The following GLDN variants were observed in gnomAD, a reference collection of about 807,000 sequenced individuals.
The protein encoded by GLDN is gliomedin.
Under a neutral mutation model 56.5 loss-of-function variants are expected in GLDN, and 47 were observed. The ratio of observed to expected loss-of-function variants is 0.83; its 90% CI spans 0.66 to 1.06. The LOEUF (loss-of-function observed/expected upper bound fraction) is 1.06, where lower values mean the gene tolerates loss of function less well. Among genes scored for constraint, GLDN ranks in the 50% least tolerant of loss-of-function variants. The probability of loss-of-function intolerance (pLI) is 0.00; values close to 1 mark genes in which losing one functional copy is unlikely to be tolerated. For synonymous variants in GLDN, 332 were observed against 278.8 expected (o/e 1.19, Z -1.90); for missense variants, 782 against 714.3 (o/e 1.09, Z -1.08).
intron 4 of GLDN, 179 bp downstream of exon 4, chr15:51,384,071 C>T (rs539129230): frequency 2.6e-5 from 17 of 657,738 alleles, no homozygotes; most frequent in African/African-American, 1.8e-5. Context: ...ACTTCTTGGT[C>T]CCACCTTGAC....
rs574578328 is a variant in GLDN, at chr15:51,397,535, C to T, written c.754C>T (p.Pro252Ser). 1.3e-6 allele frequency: 2 copies of T among 1,599,774 alleles called. No homozygotes were observed. The highest frequency in any genetic ancestry group is 1.1e-5 in the South Asian group (1 of 88,986). ...GPPGPPGPPG[P>S]PGSRRAKGPR... is the part of the protein sequence containing the mutation. ...CCCAGGCCCTCCAGGTCCTCCAGGG[C>T]CCCCTGGAAGCAGAAGAGCCAAAGG... The change falls in exon 6 of 10, where the codon CCC becomes TCC. Residue 252 changes from proline (P) to serine (S), a missense_variant. Coordinates refer to ENST00000335449, the MANE Select transcript of GLDN (RefSeq NM_181789.4).
At chr15:51,374,449 A>G (rs1054247356) in intron 1 of GLDN, among the ~76,000 whole-genome samples, 16 of 152,254 alleles carry the variant, frequency 1.1e-4, no homozygotes, top group Admixed American at 6.5e-5. Context: ...CACCAGAGCC[A>G]TAATAGAAAG....
At chr15:51,385,383 C>A (rs988039638) in intron 4 of GLDN, 1 of 152,162 alleles carries the variant, frequency 6.6e-6, no homozygotes, top group Non-Finnish European at 1.5e-5. Flanking sequence ...ATGCAGCCTG[C>A]AACCCAGGGA....
At chr15:51,403,280 A>G (rs2038295277) in intron 9 of GLDN, among the ~76,000 whole-genome samples, 1 of 152,196 alleles carries the variant, frequency 6.6e-6, no homozygotes, top group South Asian at 2.1e-4. Context: ...GCCAAATGGC[A>G]GCAGTAAACC....
intron 5 of GLDN, among the ~76,000 whole-genome samples, chr15:51,395,801 C>T (rs1166996318): frequency 6.6e-6 from 1 of 152,094 alleles, no homozygotes; most frequent in Non-Finnish European, 1.5e-5. Flanking sequence ...GTAGGCTGTA[C>T]AAGAGGCATG....
chr15:51,350,465 T>C (rs1196476050), intron 1 of GLDN, among the ~76,000 whole-genome samples: 1 of 152,144 alleles, frequency 6.6e-6, no homozygotes, highest in Non-Finnish European at 1.5e-5. Context: ...CCGTGGCCCT[T>C]CTCACTGCAG....
intron 4 of GLDN, among the ~76,000 whole-genome samples, chr15:51,394,174 A>G (rs17704557): frequency 0.037 from 5,702 of 152,286 alleles, 185 homozygotes; most frequent in African/African-American, 0.09. Context: ...ACTCACTATT[A>G]TGGCAGCAGA....
chr15:51,379,986 T>C (rs1437357930), intron 2 of GLDN, among the ~76,000 whole-genome samples: 1 of 152,144 alleles, frequency 6.6e-6, no homozygotes. Flanking sequence ...TCCTTCCCTG[T>C]GACTCAGGCA....
chr15:51,401,865 CT>C, intron 9 of GLDN, 122 bp downstream of exon 9: 3 of 835,706 alleles, frequency 3.6e-6, no homozygotes, highest in Non-Finnish European at 5.5e-6. Flanking sequence ...GGCTGACACA[CT>C]GAGGTCAATC....
At chr15:51,355,974 A>G (rs943813963) in intron 1 of GLDN, among the ~76,000 whole-genome samples, 33 of 150,180 alleles carry the variant, frequency 2.2e-4, no homozygotes, top group East Asian at 2.0e-4. Flanking sequence ...TTGGGAGGCC[A>G]AGGCGGGCGG....
At chr15:51,389,816 G>A (rs2037977538) in intron 4 of GLDN, among the ~76,000 whole-genome samples, 1 of 152,200 alleles carries the variant, frequency 6.6e-6, no homozygotes, top group Non-Finnish European at 1.5e-5. Context: ...CTGGGTACTA[G>A]TGGGGACCCT....
chr15:51,361,524 T>C lies in GLDN; in HGVS notation c.364-15925T>C, dbSNP rs137955660. On this transcript the variant is annotated intron_variant, in intron 1 of 9. Transcript: ENST00000335449. Reference sequence around the variant, plus strand: ...TTCGTGCTACTCACCAAATAGGAGATGACATCAGGTATGGGTAAGACTGAC... The same window carrying C: ...TTCGTGCTACTCACCAAATAGGAGACGACATCAGGTATGGGTAAGACTGAC... Among the ~76,000 whole-genome samples the C allele has an allele frequency of 1.5e-4, 23 of 152,228 alleles. No individual in the cohort carries two copies. In the East Asian group the frequency reaches 2.3e-3, roughly 15 times the overall value.
intron 1 of GLDN, among the ~76,000 whole-genome samples, chr15:51,372,115 A>G (rs1387753535): frequency 2.0e-5 from 3 of 152,130 alleles, no homozygotes; most frequent in Admixed American, 1.3e-4. Context: ...ATAGCAAGGG[A>G]TTGAAGTGTG....
chr15:51,400,564 T>C, intron 8 of GLDN, 66 bp downstream of exon 8: 1 of 1,523,868 alleles, frequency 6.6e-7, no homozygotes, highest in Non-Finnish European at 9.0e-7. Context: ...TTGCCTACCT[T>C]TGGGCGTATT....
chr15:51,410,016 C>T (rs972506694), downstream of GLDN, among the ~76,000 whole-genome samples: 10 of 152,340 alleles, frequency 6.6e-5, no homozygotes, highest in Non-Finnish European at 1.2e-4. Flanking sequence ...CAGATACACA[C>T]GCCCAAGTCC....
At chr15:51,397,886 C>A (rs2038169153) in intron 6 of GLDN, among the ~76,000 whole-genome samples, 1 of 152,200 alleles carries the variant, frequency 6.6e-6, no homozygotes, top group African/African-American at 2.4e-5. Context: ...CCATCCCTCC[C>A]CCCTGAAACA....
intron 9 of GLDN, among the ~76,000 whole-genome samples, chr15:51,403,715 T>C (rs1357647856): frequency 1.3e-5 from 2 of 152,202 alleles, no homozygotes; most frequent in African/African-American, 2.4e-5. Flanking sequence ...CTTCTTAACT[T>C]AGCAGGCTGT....
In GLDN at chr15:51,401,634, A is replaced by C. The variant is rs773792369; in HGVS notation, c.1069A>C (p.Asn357His). 4.3e-6 allele frequency: 7 copies of C among 1,614,146 alleles called. No homozygotes were observed. Among genetic ancestry groups the C allele is most frequent in the Non-Finnish European group, 5.9e-6 (7 of 1,179,994 alleles). ...KEFKDQPSLL[N>H]GSYTFIHLPY... is the part of the protein sequence containing the mutation. ...ATTCAAGGATCAGCCCTCACTTCTG[A>C]ATGGCAGTTACACGTTCATCCACCT... Residue 357 changes from asparagine to histidine, a missense_variant, in exon 9 of 10, where the codon AAT (asparagine) becomes CAT (histidine). Asn to His is a moderately conservative substitution (Grantham distance 68). Coordinates refer to ENST00000335449, the MANE Select transcript of GLDN (RefSeq NM_181789.4).
Position 51,394,947 on chromosome 15 carries a change from CA to C in GLDN, c.657del (p.Gly220GlufsTer84), listed in dbSNP as rs775309330. On this transcript the variant is annotated frameshift_variant, in exon 5 of 10. Coordinates refer to ENST00000335449, the MANE Select transcript of GLDN (RefSeq NM_181789.4). LOFTEE classifies it high-confidence loss of function. ...CAGGGCAGAAGGGAGAAAAGGGTGACAAAGGAGATGTGTCCAACGACGTGCT... is the reference window on the plus strand; with the variant it reads ...CAGGGCAGAAGGGAGAAAAGGGTGACAAGGAGATGTGTCCAACGACGTGCT... ...PPGQKGEKGD[K>X]GDVSNDVLLA... is the part of the protein sequence containing the mutation. The C allele has an allele frequency of 6.2e-7, 1 of 1,610,208 alleles. No homozygotes were observed. The highest frequency in any genetic ancestry group is 8.5e-7 in the Non-Finnish European group (1 of 1,178,462).
Sources: allele counts gnomAD v4.1 joint callset (sites outside exome capture counted in the v4.1 genomes callset), GRCh38; gene constraint gnomAD v4.1.1; transcripts MANE v1.5; gene names NCBI Gene and HGNC (gene_info 2026-07-23, HGNC 2026-07-21).